The following GLIS3 variants were observed in gnomAD, a reference collection of about 807,000 sequenced individuals.
The protein encoded by GLIS3 is GLIS family zinc finger 3.
In GLIS3, 53 loss-of-function variants were observed where a neutral mutation model predicts 78.6. The ratio of observed to expected loss-of-function variants is 0.67; its 90% confidence interval spans 0.54 to 0.85. The LOEUF (loss-of-function observed/expected upper bound fraction) is 0.85. Ranked by LOEUF, GLIS3 falls within the 40% of genes least tolerant of loss-of-function variation. GLIS3 has a pLI of 0.00. For synonymous variants in GLIS3, 684 were observed against 509.9 expected (o/e 1.34, Z -4.60); for missense variants, 1,703 against 1,231.1 (o/e 1.38, Z -5.74).
chr9:4,424,544 T>G, the GLIS3 span, among the ~76,000 whole-genome samples: 1 of 152,164 alleles, frequency 6.6e-6, no homozygotes, highest in East Asian at 1.9e-4. Flanking sequence ...CTGTAGCAGA[T>G]AGTGGATTTG....
chr9:4,400,645 T>G, the GLIS3 span, among the ~76,000 whole-genome samples: 2 of 152,222 alleles, frequency 1.3e-5, no homozygotes, highest in Non-Finnish European at 2.9e-5. Context: ...CACAAAAACC[T>G]CACAACTATC....
chr9:4,094,157 A>T (rs944373947), intron 4 of GLIS3, among the ~76,000 whole-genome samples: 3 of 152,378 alleles, frequency 2.0e-5, no homozygotes, highest in Middle Eastern at 3.4e-3. Context: ...GGAGTGGAAC[A>T]TGGAAGAGAA....
intron 4 of GLIS3, among the ~76,000 whole-genome samples, chr9:4,044,285 G>T (rs1181466587): frequency 6.6e-6 from 1 of 152,180 alleles, no homozygotes; most frequent in African/African-American, 2.4e-5. Flanking sequence ...CGACTAAATA[G>T]ACATAAAGCA....
At chr9:4,205,684 T>A (rs1462165961) in intron 2 of GLIS3, among the ~76,000 whole-genome samples, 1 of 152,186 alleles carries the variant, frequency 6.6e-6, no homozygotes, top group East Asian at 1.9e-4. Flanking sequence ...AAACCTCACC[T>A]AAGGCCAGCA....
At chr9:4,377,500 G>A in the GLIS3 span, among the ~76,000 whole-genome samples, 2 of 134,728 alleles carry the variant, frequency 1.5e-5, 1 homozygote, top group Non-Finnish European at 3.3e-5. Flanking sequence ...GCTTACAGAC[G>A]GCCTATCGTG....
At chr9:4,267,928 A>G (rs12335418) in intron 2 of GLIS3, among the ~76,000 whole-genome samples, 53,808 of 150,944 alleles carry the variant, frequency 0.36, 9,634 homozygotes, top group Admixed American at 0.4. Flanking sequence ...TAAGTAAAAA[A>G]CAGATTATAA....
intron 2 of GLIS3, among the ~76,000 whole-genome samples, chr9:4,130,660 C>G (rs1281987155): frequency 6.6e-6 from 1 of 152,214 alleles, no homozygotes; most frequent in Admixed American, 6.5e-5. Context: ...GCCTAGATTT[C>G]AGAGGATGCA....
intron 8 of GLIS3, among the ~76,000 whole-genome samples, chr9:3,874,611 C>G (rs1314944193): frequency 6.6e-6 from 1 of 152,046 alleles, no homozygotes; most frequent in Admixed American, 6.5e-5. Flanking sequence ...GGAACTGTGT[C>G]CTCAACCTGT....
At chr9:3,859,611 T>A (rs1358476415) in intron 8 of GLIS3, among the ~76,000 whole-genome samples, 1 of 152,172 alleles carries the variant, frequency 6.6e-6, no homozygotes, top group African/African-American at 2.4e-5. Context: ...CTCCCATTCA[T>A]CTTCAGTTAC....
chr9:4,485,051 G>A, the GLIS3 span, among the ~76,000 whole-genome samples: 6 of 151,736 alleles, frequency 4.0e-5, no homozygotes, highest in African/African-American at 9.7e-5. Flanking sequence ...TTTCACTCCC[G>A]TCGACCAGGC....
intron 2 of GLIS3, among the ~76,000 whole-genome samples, chr9:4,133,078 C>A (rs1198373955): frequency 6.6e-6 from 1 of 152,184 alleles, no homozygotes; most frequent in African/African-American, 2.4e-5. Context: ...AGAAATGTCA[C>A]AAGAATAGAA....
chr9:3,907,965 C>T (rs582960), intron 6 of GLIS3, among the ~76,000 whole-genome samples: 151,432 of 152,350 alleles, frequency 0.99, 75,264 homozygotes, highest in Middle Eastern at 1. Context: ...TCATTTCTCT[C>T]CTGTACCTGC....
intron 2 of GLIS3, among the ~76,000 whole-genome samples, chr9:4,219,265 G>C (rs140883616): frequency 2.0e-5 from 3 of 152,216 alleles, no homozygotes; most frequent in African/African-American, 4.8e-5. Flanking sequence ...ATAGGCTAGA[G>C]ACACAAGATT....
intron 4 of GLIS3, among the ~76,000 whole-genome samples, chr9:4,116,259 A>G (rs941597180): frequency 1.3e-5 from 2 of 152,222 alleles, no homozygotes; most frequent in South Asian, 2.1e-4. Context: ...CAGAGGCTGA[A>G]TGTCTTTCCT....
At chr9:4,445,962 A>C in the GLIS3 span, among the ~76,000 whole-genome samples, 1 of 152,236 alleles carries the variant, frequency 6.6e-6, no homozygotes, top group Non-Finnish European at 1.5e-5. Flanking sequence ...GGATTGCCAG[A>C]CTTTCTTGTT....
chr9:4,357,417 A>C, the GLIS3 span, among the ~76,000 whole-genome samples: 1 of 152,054 alleles, frequency 6.6e-6, no homozygotes, highest in African/African-American at 2.4e-5. Context: ...TCTTGCCTTC[A>C]GTTTGGACTA....
chr9:4,485,305 G>A, the GLIS3 span, among the ~76,000 whole-genome samples: 2 of 151,954 alleles, frequency 1.3e-5, no homozygotes, highest in Admixed American at 6.6e-5. Flanking sequence ...GTGAGCCACC[G>A]CGCTCAGCCC....
chr9:4,349,913 G>A (rs1817943045), upstream of GLIS3, among the ~76,000 whole-genome samples: 1 of 152,194 alleles, frequency 6.6e-6, no homozygotes, highest in Non-Finnish European at 1.5e-5. Flanking sequence ...AATCTTCTGT[G>A]GGGCCTGTCC....
intron 2 of GLIS3, among the ~76,000 whole-genome samples, chr9:4,326,073 G>T (rs1436288126): frequency 1.1e-4 from 17 of 152,138 alleles, no homozygotes; most frequent in Admixed American, 1.1e-3. Context: ...GGGAGGTAGA[G>T]CCTCAGGAAG....
Sources: gnomAD v4.1 joint callset for allele counts (sites outside exome capture counted in the v4.1 genomes callset) on GRCh38, gnomAD v4.1.1 for gene constraint, MANE v1.5 for transcripts, NCBI Gene and HGNC (gene_info 2026-07-23, HGNC 2026-07-21) for gene names.